Variants in BLTP1 observed in about 807,000 individuals in gnomAD.
The protein encoded by BLTP1 is bridge-like lipid transfer protein family member 1.
chr4:122,178,652 AG>A, the BLTP1 span, among the ~76,000 whole-genome samples: 1 of 152,222 alleles, frequency 6.6e-6, no homozygotes, highest in Non-Finnish European at 1.5e-5. Flanking sequence ...AAATATTGTA[AG>A]ATCCTCCTCA....
At chr4:122,319,986 A>G in the BLTP1 span, among the ~76,000 whole-genome samples, 1 of 152,114 alleles carries the variant, frequency 6.6e-6, no homozygotes, top group Admixed American at 6.6e-5. Context: ...ATTATATCCA[A>G]TTGACTGATG....
the BLTP1 span, chr4:122,190,296 A>G: frequency 1.1e-5 from 6 of 559,566 alleles, no homozygotes; most frequent in Middle Eastern, 9.2e-4. Context: ...GTATTTCGCT[A>G]TATTGCCCAG....
At chr4:122,186,641 T>C in the BLTP1 span, among the ~76,000 whole-genome samples, 65 of 152,158 alleles carry the variant, frequency 4.3e-4, 2 homozygotes, top group South Asian at 2.1e-4. Context: ...ATGTAGCAGT[T>C]TGTCTGTAAG....
At chr4:122,222,453 T>C in the BLTP1 span, among the ~76,000 whole-genome samples, 8 of 152,194 alleles carry the variant, frequency 5.3e-5, no homozygotes, top group Admixed American at 3.9e-4. Flanking sequence ...ATTAATTTCA[T>C]AGGGATGCCG....
At chr4:122,204,020 A>T in the BLTP1 span, 1 of 200,380 alleles carries the variant, frequency 5.0e-6, no homozygotes, top group African/African-American at 2.4e-5. Flanking sequence ...TAAAGTAGAT[A>T]AAATACAACC....
At chr4:122,276,633 T>C in the BLTP1 span, 1 of 973,710 alleles carries the variant, frequency 1.0e-6, no homozygotes, top group Admixed American at 6.2e-5. Context: ...TGTTAAACAA[T>C]GGTTTTAATT....
chr4:122,323,719 C>T, the BLTP1 span, among the ~76,000 whole-genome samples: 2 of 151,952 alleles, frequency 1.3e-5, no homozygotes, highest in African/African-American at 4.8e-5. Flanking sequence ...TTGCTGTCTA[C>T]ACAACAGTCA....
the BLTP1 span, among the ~76,000 whole-genome samples, chr4:122,253,064 A>C: frequency 1.8e-4 from 27 of 152,334 alleles, no homozygotes; most frequent in African/African-American, 5.8e-4. Context: ...GTACCTCTAT[A>C]AGTTGCAAGA....
At chr4:122,173,274 G>A in the BLTP1 span, 1 of 1,066,610 alleles carries the variant, frequency 9.4e-7, no homozygotes, top group Non-Finnish European at 1.4e-6. Context: ...AGCAATTTAT[G>A]TCTGATAGTT....
chr4:122,202,617 C>A, the BLTP1 span: 3 of 669,248 alleles, frequency 4.5e-6, no homozygotes, highest in East Asian at 4.1e-4. Context: ...AAATAGATAC[C>A]TATCATCAAG....
At chr4:122,238,921 A>G in the BLTP1 span, among the ~76,000 whole-genome samples, 2 of 152,062 alleles carry the variant, frequency 1.3e-5, no homozygotes, top group Non-Finnish European at 2.9e-5. Context: ...GGTTTCAATT[A>G]TGTTCTCTAG....
the BLTP1 span, chr4:122,189,109 A>G: frequency 4.2e-6 from 4 of 945,722 alleles, no homozygotes; most frequent in Non-Finnish European, 5.0e-6. Context: ...TATAGAGAGT[A>G]AGATGAAAAA....
the BLTP1 span, chr4:122,174,356 T>C: frequency 3.9e-5 from 38 of 982,220 alleles, no homozygotes; most frequent in Non-Finnish European, 4.4e-5. Flanking sequence ...CTCTTCAGGT[T>C]ATTTAGTAGC....
At chr4:122,269,684 G>T in the BLTP1 span, 3 of 985,120 alleles carry the variant, frequency 3.0e-6, no homozygotes, top group Non-Finnish European at 3.6e-6. Context: ...TTAGTTTGGG[G>T]TTACAGTTTC....
At chr4:122,183,872 T>A in the BLTP1 span, among the ~76,000 whole-genome samples, 1 of 152,086 alleles carries the variant, frequency 6.6e-6, no homozygotes, top group African/African-American at 2.4e-5. Context: ...TCCTAAATAC[T>A]GAAAATAATT....
chr4:122,211,038 T>C, the BLTP1 span: 1 of 1,613,602 alleles, frequency 6.2e-7, no homozygotes, highest in Admixed American at 1.7e-5. Context: ...TGGAACTTTC[T>C]CCAGATTCTC....
the BLTP1 span, among the ~76,000 whole-genome samples, chr4:122,177,529 C>G: frequency 3.3e-5 from 5 of 152,184 alleles, no homozygotes; most frequent in East Asian, 9.6e-4. Context: ...TGTAAGTGAC[C>G]TATAGAATCC....
the BLTP1 span, among the ~76,000 whole-genome samples, chr4:122,327,098 G>T: frequency 1.8e-5 from 1 of 55,810 alleles, no homozygotes; most frequent in East Asian, 6.4e-4. Context: ...GTCATAGGGG[G>T]GTGTTTTGTT....
chr4:122,168,943 A>G, the BLTP1 span, among the ~76,000 whole-genome samples: 2 of 151,944 alleles, frequency 1.3e-5, no homozygotes, highest in East Asian at 1.9e-4. Flanking sequence ...TATCTCATTC[A>G]ATTTTTATTT....
Sources: gnomAD v4.1 joint callset for allele counts (sites outside exome capture counted in the v4.1 genomes callset) on GRCh38, gnomAD v4.1.1 for gene constraint, MANE v1.5 for transcripts, NCBI Gene and HGNC (gene_info 2026-07-23, HGNC 2026-07-21) for gene names.